Variants in UBE2D3 observed in about 807,000 individuals in gnomAD.
The protein encoded by UBE2D3 is ubiquitin-conjugating enzyme E2 D3.
UBE2D3 carries 2 observed loss-of-function variants against 22.8 expected under a neutral mutation model. That is an observed-to-expected ratio of 0.09 (90% CI 0.04 to 0.28). UBE2D3 has a LOEUF of 0.28. UBE2D3 is among the 10% of genes least tolerant of loss of function. The pLI, the probability that UBE2D3 is intolerant of heterozygous loss-of-function variation, is 1.00. For synonymous variants in UBE2D3, 56 were observed against 60.4 expected (o/e 0.93, Z 0.34); for missense variants, 27 against 182.5 (o/e 0.15, Z 4.91).
rs1216635102 is a variant in UBE2D3 at position 102,795,114 on chromosome 4, CT to C, written c.*2300del. 1 of 151,964 alleles carries C rather than the reference CT, an allele frequency of 6.6e-6. No homozygotes were observed. Among genetic ancestry groups the C allele is most frequent in the African/African-American group, 2.4e-5 (1 of 41,376 alleles). The allele number at this position is 151,964 out of a possible 1,614,324, so 9.4% of individuals were successfully genotyped here. A position where few individuals can be genotyped will look rare whatever the true frequency, so the allele number is the denominator to read the frequency against. On this transcript the variant is annotated 3_prime_UTR_variant, in exon 8 of 8. Transcript: ENST00000453744. ...ACTGTTCTTTTAAACCTGGAGAAGCCTCTATGGCTTATTCCCTTAGAAGCAA... is the reference window on the plus strand; with the variant it reads ...ACTGTTCTTTTAAACCTGGAGAAGCCCTATGGCTTATTCCCTTAGAAGCAA...
intron 4 of UBE2D3, among the ~76,000 whole-genome samples, chr4:102,807,421 TTGGG>T (rs1348169864): frequency 6.6e-6 from 1 of 152,170 alleles, no homozygotes; most frequent in African/African-American, 2.4e-5. Context: ...TACCCGTACT[TTGGG>T]TGGATTTTTA....
intron 1 of UBE2D3, among the ~76,000 whole-genome samples, chr4:102,839,861 A>G (rs182390740): frequency 2.0e-5 from 3 of 152,366 alleles, no homozygotes; most frequent in Non-Finnish European, 4.4e-5. Flanking sequence ...AACCTGTTGT[A>G]TGGAAGAAAA....
In UBE2D3 at chr4:102,797,360, GTAATT is replaced by G; in HGVS notation, c.*50_*54del. On this transcript the variant is annotated 3_prime_UTR_variant, in exon 8 of 8. Transcript: ENST00000453744. ...GGATAAGAAAATCAAAAAAGGAACA[GTAATT>G]TAAAGTTTATTCCAGCTATAATGCA... is the stretch of plus-strand genomic sequence containing the variant. The G allele has an allele frequency of 6.9e-7, 1 of 1,447,502 alleles. No homozygotes were observed. The highest frequency in any genetic ancestry group is 9.5e-7 in the Non-Finnish European group (1 of 1,057,656). 89.7% of individuals were successfully genotyped at this position (1,447,502 alleles called of 1,614,324 possible). A position where few individuals can be genotyped will look rare whatever the true frequency, so the allele number is the denominator to read the frequency against.
In UBE2D3 at chr4:102,825,496, G is replaced by C; in HGVS notation, c.24+989C>G. 4 of 1,154,076 alleles carry C rather than the reference G, an allele frequency of 3.5e-6. No individual in the cohort carries two copies. In the South Asian group the frequency reaches 7.1e-5, roughly 20 times the overall value. The allele number at this position is 1,154,076 out of a possible 1,614,324, so 71.5% of individuals were successfully genotyped here. A position where few individuals can be genotyped will look rare whatever the true frequency, so the allele number is the denominator to read the frequency against. Reference sequence around the variant, plus strand: ...AATTCACATTATTACGAAAGGAGATGCCGGAAAGAGCCTGAACCAGTTAAA... The same window carrying C: ...AATTCACATTATTACGAAAGGAGATCCCGGAAAGAGCCTGAACCAGTTAAA... On this transcript the variant is annotated intron_variant, in intron 2 of 7. Coordinates refer to ENST00000453744, the MANE Select transcript of UBE2D3 (RefSeq NM_181891.3).
chr4:102,812,734 T>C (rs966177507), intron 2 of UBE2D3: 7 of 152,144 alleles, frequency 4.6e-5, no homozygotes, highest in Admixed American at 1.3e-4. Context: ...TGGAATAAAA[T>C]TGAAATTTCG....
At chr4:102,856,033 G>GC (rs1488550430) in intron 1 of UBE2D3, among the ~76,000 whole-genome samples, 1 of 152,138 alleles carries the variant, frequency 6.6e-6, no homozygotes, top group Non-Finnish European at 1.5e-5. Flanking sequence ...AAACCATAAA[G>GC]CCATATGAGA....
chr4:102,849,571 T>C (rs1036261488), intron 1 of UBE2D3, among the ~76,000 whole-genome samples: 2 of 151,998 alleles, frequency 1.3e-5, no homozygotes, highest in African/African-American at 4.8e-5. Flanking sequence ...AACAGAAATA[T>C]GGGCAAGTGA....
intron 2 of UBE2D3, among the ~76,000 whole-genome samples, chr4:102,824,093 C>T (rs1271282067): frequency 6.6e-6 from 1 of 152,178 alleles, no homozygotes; most frequent in African/African-American, 2.4e-5. Flanking sequence ...GTGATTTTAA[C>T]ATTAACAGCT....
chr4:102,829,178 G>GC (rs933167032), upstream of UBE2D3, among the ~76,000 whole-genome samples: 6 of 152,170 alleles, frequency 3.9e-5, no homozygotes, highest in Admixed American at 1.3e-4. Flanking sequence ...ATTTGGTAGG[G>GC]CAGTGGTGGA....
intron 1 of UBE2D3, among the ~76,000 whole-genome samples, chr4:102,860,085 G>T (rs1732810214): frequency 6.6e-6 from 1 of 152,124 alleles, no homozygotes; most frequent in Non-Finnish European, 1.5e-5. Context: ...CTAACCTCAT[G>T]ATCCACACGC....
chr4:102,825,486 G>GA, intron 2 of UBE2D3: 3 of 1,151,348 alleles, frequency 2.6e-6, no homozygotes, highest in Non-Finnish European at 3.3e-6. Context: ...ACATTATTAC[G>GA]AAAGGAGATG....
intron 1 of UBE2D3, among the ~76,000 whole-genome samples, chr4:102,851,655 G>T (rs951574993): frequency 1.1e-4 from 16 of 139,444 alleles, no homozygotes; most frequent in East Asian, 2.1e-4. Flanking sequence ...ATTTTTTTTT[G>T]TTTTGTTTTG....
At chr4:102,853,135 A>ACCTTTTTT (rs752835398) in intron 1 of UBE2D3, among the ~76,000 whole-genome samples, 5 of 88,598 alleles carry the variant, frequency 5.6e-5, no homozygotes, top group Admixed American at 1.5e-4. Flanking sequence ...AAACACACAC[A>ACCTTTTTT]TTTTTTTTTT....
In UBE2D3 at chr4:102,819,506, G is replaced by C. The variant is rs1729253156; in HGVS notation, c.24+6979C>G. On this transcript the variant is annotated intron_variant, in intron 2 of 7. Coordinates refer to ENST00000453744, the MANE Select transcript of UBE2D3 (RefSeq NM_181891.3). ...GTTAACTTTCTTTCAATGACAGCCA[G>C]TATCTGTTCATCAGATCAACATAAC... 3 of 942,142 alleles carry C rather than the reference G, an allele frequency of 3.2e-6. No individual in the cohort carries two copies. In the South Asian group the frequency reaches 1.5e-4, roughly 46 times the overall value. 58.4% of individuals were successfully genotyped at this position (942,142 alleles called of 1,614,324 possible). A position where few individuals can be genotyped will look rare whatever the true frequency, so the allele number is the denominator to read the frequency against.
chr4:102,846,289 A>G (rs901868923), intron 1 of UBE2D3, among the ~76,000 whole-genome samples: 2 of 152,186 alleles, frequency 1.3e-5, no homozygotes, highest in African/African-American at 4.8e-5. Flanking sequence ...GTGAAAATTA[A>G]CAATGGCTAA....
intron 5 of UBE2D3, 167 bp from the exon 6 acceptor site, chr4:102,801,726 C>G (rs924991759): frequency 3.8e-6 from 2 of 528,850 alleles, no homozygotes; most frequent in South Asian, 3.0e-5. Context: ...CCTGCCTCCT[C>G]TTTTTACAAC....
At chr4:102,865,148 A>G (rs1327199597) in intron 1 of UBE2D3, among the ~76,000 whole-genome samples, 2 of 152,204 alleles carry the variant, frequency 1.3e-5, no homozygotes, top group African/African-American at 4.8e-5. Context: ...ACAAATTGTA[A>G]AGAAAAAGAT....
intron 7 of UBE2D3, chr4:102,798,866 A>G (rs908558566): frequency 2.0e-6 from 3 of 1,487,754 alleles, no homozygotes; most frequent in Non-Finnish European, 2.8e-6. Context: ...GCCTTAACGC[A>G]TGCAGCACTC....
At chr4:102,859,575 A>T (rs928518358) in intron 1 of UBE2D3, among the ~76,000 whole-genome samples, 1 of 151,864 alleles carries the variant, frequency 6.6e-6, no homozygotes, top group Non-Finnish European at 1.5e-5. Flanking sequence ...TCCTCCCCAG[A>T]TTTGGGCAGT....
Sources: gnomAD v4.1 joint callset for allele counts (sites outside exome capture counted in the v4.1 genomes callset) on GRCh38, gnomAD v4.1.1 for gene constraint, MANE v1.5 for transcripts, NCBI Gene and HGNC (gene_info 2026-07-23, HGNC 2026-07-21) for gene names.